EHMT1: variants seen among roughly 807,000 people sequenced by gnomAD.
EHMT1 encodes euchromatic histone lysine methyltransferase 1, also known as histone-lysine N-methyltransferase EHMT1.
A neutral mutation model predicts 147.2 loss-of-function variants in EHMT1; 15 were observed. The ratio of observed to expected loss-of-function variants is 0.10; its 90% CI spans 0.07 to 0.16. The LOEUF (loss-of-function observed/expected upper bound fraction) is 0.16. Among genes scored for constraint, EHMT1 ranks in the 10% least tolerant of loss-of-function variants. EHMT1 has a pLI of 1.00. For synonymous variants in EHMT1, 795 were observed against 709.6 expected (o/e 1.12, Z -1.91); for missense variants, 1,587 against 1,772.4 (o/e 0.90, Z 1.88).
chr9:137,783,569 A>T (rs1361005812), intron 15 of EHMT1, among the ~76,000 whole-genome samples: 2 of 152,220 alleles, frequency 1.3e-5, no homozygotes, highest in Non-Finnish European at 2.9e-5. Context: ...GTTTATATTT[A>T]AAGTAAACTA....
Position 137,717,060 on chromosome 9 carries a change from G to C in EHMT1, c.520G>C (p.Ala174Pro). 6.2e-7 allele frequency: 1 copy of C among 1,607,134 alleles called. No homozygotes were observed. Among genetic ancestry groups the C allele is most frequent in the Non-Finnish European group, 8.5e-7 (1 of 1,176,014 alleles). Residue 174 changes from alanine to proline, a missense_variant, in exon 3 of 27, where the codon GCC (alanine) becomes CCC (proline). By Grantham distance (27) the Ala-to-Pro change is conservative. This residue lies in a region of EHMT1 where 810 missense variants were observed against 673.0 expected (regional missense o/e 1.20). Transcript: ENST00000460843. ...AAGCGCTTTTCCCCAGACGCCAGCC[G>C]CCCCACCAGCCACCCTTGGGGAGGG... ...TPSAFPQTPA[A>P]PPATLGEGSA...
chr9:137,751,508 A>G (rs2136177011), intron 6 of EHMT1, among the ~76,000 whole-genome samples: 1 of 152,262 alleles, frequency 6.6e-6, no homozygotes, highest in Non-Finnish European at 1.5e-5. Flanking sequence ...GGAAATGCAG[A>G]GAATAGTGGA....
intron 1 of EHMT1, among the ~76,000 whole-genome samples, chr9:137,694,108 G>A (rs1480960738): frequency 3.5e-5 from 3 of 84,556 alleles, no homozygotes; most frequent in African/African-American, 4.9e-5. Flanking sequence ...TCAGGACGCT[G>A]GCCGATACCC....
chr9:137,754,758 C>T (rs1378222161), intron 8 of EHMT1, among the ~76,000 whole-genome samples: 1 of 152,200 alleles, frequency 6.6e-6, no homozygotes, highest in Non-Finnish European at 1.5e-5. Flanking sequence ...CTCAAGCGAT[C>T]TGCCCGTTTT....
intron 4 of EHMT1, among the ~76,000 whole-genome samples, chr9:137,734,956 G>A (rs1466983838): frequency 6.6e-6 from 1 of 152,224 alleles, no homozygotes; most frequent in Non-Finnish European, 1.5e-5. Flanking sequence ...AAGGAGCCTA[G>A]CAGGTTGAAA....
intron 10 of EHMT1, 130 bp downstream of exon 10, chr9:137,762,950 C>T (rs547716012): frequency 2.2e-5 from 27 of 1,203,756 alleles, no homozygotes; most frequent in East Asian, 2.0e-4. Context: ...GTGGATTCTG[C>T]GCAGAACCAA....
chr9:137,650,154 A>C (rs113205762), intron 1 of EHMT1, among the ~76,000 whole-genome samples: 7 of 152,170 alleles, frequency 4.6e-5, no homozygotes, highest in African/African-American at 1.7e-4. Context: ...GCTGGAGTGC[A>C]GTGGTGCAGT....
chr9:137,665,059 GTTATAGAATAGCAT>G (rs1939483617), intron 1 of EHMT1: 3 of 152,128 alleles, frequency 2.0e-5, no homozygotes, highest in Non-Finnish European at 4.4e-5. Context: ...GCGTGGGGGA[GTTATAGAATAGCAT>G]TTATAGAGAA....
At chr9:137,721,207 C>A in intron 3 of EHMT1, among the ~76,000 whole-genome samples, 1 of 151,826 alleles carries the variant, frequency 6.6e-6, no homozygotes, top group Non-Finnish European at 1.5e-5. Context: ...CTCACCCCTC[C>A]CAGACTTCTC....
intron 16 of EHMT1, chr9:137,795,134 T>C (rs887286881): frequency 6.6e-6 from 1 of 152,094 alleles, no homozygotes; most frequent in African/African-American, 2.4e-5. Context: ...CACAGACTGA[T>C]TGATCTAAAC....
intron 1 of EHMT1, among the ~76,000 whole-genome samples, chr9:137,686,571 G>A (rs1180544353): frequency 6.6e-6 from 1 of 151,370 alleles, no homozygotes; most frequent in African/African-American, 2.4e-5. Flanking sequence ...TGTATTTTTT[G>A]TAGAGACCAG....
At chr9:137,667,060 T>A (rs1156418525) in intron 1 of EHMT1, 1 of 152,116 alleles carries the variant, frequency 6.6e-6, no homozygotes, top group African/African-American at 2.4e-5. Flanking sequence ...GAGGGAACAA[T>A]AGGGCGTTCC....
chr9:137,805,738 C>T (rs896116325), intron 18 of EHMT1, among the ~76,000 whole-genome samples: 13 of 152,006 alleles, frequency 8.6e-5, no homozygotes, highest in Admixed American at 2.0e-4. Context: ...TCTTGGCTCA[C>T]TGTAACCTCC....
chr9:137,768,347 G>GTT (rs768762232), intron 10 of EHMT1, among the ~76,000 whole-genome samples: 2,744 of 92,378 alleles, frequency 0.03, 70 homozygotes, highest in Non-Finnish European at 0.036. Context: ...TTTTCTGTGT[G>GTT]TTTTTTTTTT....
intron 4 of EHMT1, among the ~76,000 whole-genome samples, chr9:137,742,077 T>C (rs1340155591): frequency 6.6e-6 from 1 of 152,206 alleles, no homozygotes. Context: ...GTTGGCTGTG[T>C]GCTCCGAGCC....
chr9:137,711,702 T>C (rs1944742683), intron 2 of EHMT1, among the ~76,000 whole-genome samples: 2 of 151,940 alleles, frequency 1.3e-5, no homozygotes, highest in African/African-American at 4.8e-5. Context: ...AGGGTTCGGA[T>C]GTTCTTGGAG....
chr9:137,802,444 C>CA (rs1300032874), intron 18 of EHMT1: 1 of 398,542 alleles, frequency 2.5e-6, no homozygotes, highest in Admixed American at 4.4e-5. Flanking sequence ...AGTCCAGCCA[C>CA]AAATAAACCC....
intron 2 of EHMT1, among the ~76,000 whole-genome samples, chr9:137,711,731 C>T (rs1944745284): frequency 1.3e-5 from 2 of 152,114 alleles, no homozygotes; most frequent in Non-Finnish European, 2.9e-5. Flanking sequence ...CCACCAAGAG[C>T]GCCCCCAGGA....
chr9:137,771,654 G>C (rs1320365869), intron 10 of EHMT1, among the ~76,000 whole-genome samples: 12 of 146,960 alleles, frequency 8.2e-5, no homozygotes, highest in Non-Finnish European at 1.6e-4. Context: ...TTACCGAGGA[G>C]ATGGGGGTGC....
Sources: allele counts gnomAD v4.1 joint callset (sites outside exome capture counted in the v4.1 genomes callset), GRCh38; gene constraint gnomAD v4.1.1; regional missense constraint gnomAD v4.1.1; transcripts MANE v1.5; gene names NCBI Gene and HGNC (gene_info 2026-07-23, HGNC 2026-07-21).